The following ASPRV1 variants were observed in gnomAD, a reference collection of about 807,000 sequenced individuals.
ASPRV1 encodes the protein retroviral-like aspartic protease 1.
In ASPRV1, 7 loss-of-function variants were observed where a neutral mutation model predicts 11.0. The observed-to-expected ratio is 0.64, with a 90% CI of 0.36 to 1.20. The LOEUF is 1.20. ASPRV1 is among the 50% of genes most tolerant of loss of function. ASPRV1 has a pLI of 0.02. For synonymous variants in ASPRV1, 136 were observed against 138.4 expected (o/e 0.98, Z 0.12); for missense variants, 299 against 320.0 (o/e 0.93, Z 0.50).
chr2:70,074,615 A>T, the ASPRV1 span, among the ~76,000 whole-genome samples: 2 of 151,908 alleles, frequency 1.3e-5, no homozygotes, highest in African/African-American at 4.8e-5. Context: ...ATAAAACTAA[A>T]AAAAGTGAAG....
At chr2:69,977,883 T>C in the ASPRV1 span, among the ~76,000 whole-genome samples, 3 of 152,154 alleles carry the variant, frequency 2.0e-5, no homozygotes, top group Non-Finnish European at 4.4e-5. Flanking sequence ...GACCTGTTGG[T>C]GTCACCCTGA....
the ASPRV1 span, among the ~76,000 whole-genome samples, chr2:69,983,543 TA>T: frequency 6.6e-6 from 1 of 152,140 alleles, no homozygotes. Context: ...CGGGCCCAGC[TA>T]GGCTGAGCTG....
At chr2:70,066,810 G>C in the ASPRV1 span, among the ~76,000 whole-genome samples, 1 of 150,788 alleles carries the variant, frequency 6.6e-6, no homozygotes, top group Admixed American at 6.6e-5. Flanking sequence ...ATGTTGCCTT[G>C]AACTCCTGGG....
At chr2:70,072,425 T>C in the ASPRV1 span, among the ~76,000 whole-genome samples, 3 of 144,816 alleles carry the variant, frequency 2.1e-5, no homozygotes, top group South Asian at 7.0e-4. Context: ...CTCTTAAAAA[T>C]AAAAAAAGGC....
At chr2:69,938,459 A>T in the ASPRV1 span, 1 of 609,578 alleles carries the variant, frequency 1.6e-6, no homozygotes, top group Non-Finnish European at 2.9e-6. Context: ...TTCTGATTGC[A>T]TCCACTAGCT....
chr2:69,963,161 T>C (rs1057454565), upstream of ASPRV1: 1 of 422,248 alleles, frequency 2.4e-6, no homozygotes, highest in Non-Finnish European at 4.8e-6. Context: ...CCCTTCCACC[T>C]GATTCAGTGA....
At chr2:69,944,081 C>A in the ASPRV1 span, among the ~76,000 whole-genome samples, 1 of 152,154 alleles carries the variant, frequency 6.6e-6, no homozygotes, top group Non-Finnish European at 1.5e-5. Context: ...ATGTGAGATT[C>A]TAGGATCCAT....
the ASPRV1 span, chr2:70,030,497 G>A: frequency 2.0e-5 from 3 of 152,074 alleles, no homozygotes; most frequent in African/African-American, 7.2e-5. Context: ...AGGGAGGGTG[G>A]ACTACTCCAG....
the ASPRV1 span, among the ~76,000 whole-genome samples, chr2:70,057,817 C>CA: frequency 5.4e-5 from 8 of 148,736 alleles, no homozygotes; most frequent in African/African-American, 2.0e-4. Context: ...TTTTTTTAGA[C>CA]AGAGTCTCGC....
At chr2:70,052,449 C>A in the ASPRV1 span, among the ~76,000 whole-genome samples, 1 of 152,158 alleles carries the variant, frequency 6.6e-6, no homozygotes, top group Non-Finnish European at 1.5e-5. Flanking sequence ...CATATTCCAA[C>A]TGGGAGAGTA....
the ASPRV1 span, among the ~76,000 whole-genome samples, chr2:69,978,764 A>G: frequency 2.0e-5 from 3 of 152,278 alleles, no homozygotes; most frequent in Admixed American, 2.0e-4. Flanking sequence ...TGGACAGGAG[A>G]GCCGGGCTGC....
At chr2:69,970,504 G>C in the ASPRV1 span, among the ~76,000 whole-genome samples, 1 of 152,144 alleles carries the variant, frequency 6.6e-6, no homozygotes, top group East Asian at 1.9e-4. Context: ...CACTCAGCCA[G>C]ATGAGCCCTC....
chr2:70,057,616 T>A, the ASPRV1 span, among the ~76,000 whole-genome samples: 1 of 149,096 alleles, frequency 6.7e-6, no homozygotes, highest in Non-Finnish European at 1.5e-5. Flanking sequence ...GTAGCTGGGA[T>A]TACAGGCATG....
the ASPRV1 span, among the ~76,000 whole-genome samples, chr2:70,054,465 A>C: frequency 6.6e-5 from 10 of 150,832 alleles, no homozygotes; most frequent in African/African-American, 2.2e-4. Flanking sequence ...CTGTAGTCCC[A>C]GCTACTCAGG....
chr2:70,058,882 CT>C, the ASPRV1 span, among the ~76,000 whole-genome samples: 571 of 102,250 alleles, frequency 5.6e-3, 3 homozygotes, highest in African/African-American at 0.015. Flanking sequence ...TATTACCCAA[CT>C]TTTTTTTTTT....
chr2:70,086,822 CA>C, the ASPRV1 span, among the ~76,000 whole-genome samples: 2 of 152,248 alleles, frequency 1.3e-5, no homozygotes, highest in African/African-American at 4.8e-5. Flanking sequence ...GCACGCCCCA[CA>C]AACAGCAGAG....
the ASPRV1 span, chr2:70,049,685 A>G: frequency 1.3e-5 from 2 of 152,192 alleles, no homozygotes; most frequent in East Asian, 1.9e-4. Flanking sequence ...GCCTTCAAAG[A>G]GCCTTCAGAG....
At chr2:70,065,788 C>T in the ASPRV1 span, among the ~76,000 whole-genome samples, 1 of 112,238 alleles carries the variant, frequency 8.9e-6, no homozygotes, top group African/African-American at 3.5e-5. Flanking sequence ...CACTGCACTA[C>T]AGCCTGGGTG....
chr2:69,989,578 GC>G, the ASPRV1 span, among the ~76,000 whole-genome samples: 9 of 152,226 alleles, frequency 5.9e-5, no homozygotes, highest in African/African-American at 2.2e-4. Context: ...GCCAGTCCCG[GC>G]GCTCATTTGG....
Sources: allele counts gnomAD v4.1 joint callset (sites outside exome capture counted in the v4.1 genomes callset), GRCh38; gene constraint gnomAD v4.1.1; transcripts MANE v1.5; gene names NCBI Gene and HGNC (gene_info 2026-07-23, HGNC 2026-07-21).